SLA: variants seen among roughly 807,000 people sequenced by gnomAD.
The protein encoded by SLA is src-like-adapter.
In SLA, 16 loss-of-function variants were observed where a neutral mutation model predicts 30.3. The observed-to-expected ratio is 0.53, with a 90% CI of 0.36 to 0.80. SLA has a LOEUF of 0.80. Ranked by LOEUF, SLA falls within the 30% of genes least tolerant of loss-of-function variation. The pLI is 0.01. For synonymous variants in SLA, 143 were observed against 137.8 expected (o/e 1.04, Z -0.26); for missense variants, 310 against 345.2 (o/e 0.90, Z 0.81).
At chr8:133,094,334 G>A (rs568708877) in intron 1 of SLA, among the ~76,000 whole-genome samples, 8 of 147,518 alleles carry the variant, frequency 5.4e-5, no homozygotes, top group South Asian at 2.2e-4. Context: ...TCCGCCTCCC[G>A]GGTTCACGCC....
At chr8:133,075,300 G>A (rs901528289) in intron 1 of SLA, among the ~76,000 whole-genome samples, 170 bp from the exon 2 acceptor site, 9 of 152,140 alleles carry the variant, frequency 5.9e-5, no homozygotes, top group South Asian at 2.1e-4. Flanking sequence ...CTGGGCCCAC[G>A]AAGGCTGTGG....
At chr8:133,044,919 G>A (rs1175085274) in intron 7 of SLA, 65 bp downstream of exon 7, 32 of 1,541,034 alleles carry the variant, frequency 2.1e-5, no homozygotes, top group South Asian at 6.7e-5. Flanking sequence ...GACGGATGGC[G>A]CCACAGAGCA....
At chr8:133,059,239 G>A in intron 3 of SLA, 1 of 432,104 alleles carries the variant, frequency 2.3e-6, no homozygotes, top group Non-Finnish European at 4.7e-6. Context: ...CATGTAAGGT[G>A]GGAAGCAGAA....
chr8:133,044,791 A>C (rs1356854051), intron 7 of SLA, among the ~76,000 whole-genome samples, 193 bp downstream of exon 7: 2 of 152,222 alleles, frequency 1.3e-5, no homozygotes, highest in Non-Finnish European at 2.9e-5. Flanking sequence ...GCTGCATTTG[A>C]CTTATTAAGG....
chr8:133,081,589 A>G (rs2702978), intron 1 of SLA, among the ~76,000 whole-genome samples: 1,230 of 85,216 alleles, frequency 0.014, 18 homozygotes, highest in South Asian at 0.056. Context: ...GAAGAAGAAG[A>G]AAAAAAAAGT....
At chr8:133,080,546 C>A (rs1459681369) in intron 1 of SLA, among the ~76,000 whole-genome samples, 2 of 152,144 alleles carry the variant, frequency 1.3e-5, no homozygotes, top group African/African-American at 4.8e-5. Context: ...AAGACTCAGG[C>A]CCTGCTGCTA....
In SLA at chr8:133,071,796, A is replaced by G. The variant is rs541646652; in HGVS notation, c.-41+3057T>C. ...TGGCTCTGTTTCCTTCACGGCACATACCACGATTTGTCCTTATGTATTTGT... is the reference window on the plus strand; with the variant it reads ...TGGCTCTGTTTCCTTCACGGCACATGCCACGATTTGTCCTTATGTATTTGT... On this transcript the variant is annotated intron_variant, in intron 2 of 8. Transcript: ENST00000338087. Among the ~76,000 whole-genome samples, 4 of 152,266 alleles carry G rather than the reference A, an allele frequency of 2.6e-5. No homozygotes were observed. In the East Asian group the frequency reaches 7.7e-4, roughly 29 times the overall value.
intron 1 of SLA, chr8:133,095,208 G>C (rs1461393675): frequency 6.2e-7 from 1 of 1,614,186 alleles, no homozygotes; most frequent in East Asian, 2.2e-5. Context: ...CCCAGACCAA[G>C]GTGAGCACTT....
At chr8:133,098,461 T>G (rs4388441) in intron 1 of SLA, among the ~76,000 whole-genome samples, 31,144 of 152,192 alleles carry the variant, frequency 0.2, 3,565 homozygotes, top group Middle Eastern at 0.27. Context: ...GGGATGGAGC[T>G]GGCCATTGAC....
In SLA at chr8:133,049,922, A is replaced by G. The variant is rs1389704451; in HGVS notation, c.228T>C (p.Cys76=). The G allele has an allele frequency of 1.9e-6, 3 of 1,612,286 alleles. No individual in the cohort carries two copies. In the South Asian group the frequency reaches 3.3e-5, roughly 18 times the overall value. ...TGRESYIPGI[C]VARVYHGWLF... is the part of the protein sequence containing the mutation. ...CTCACCCATGGTAAACTCTGGCCAC[A>G]CATATTCCAGGGATGTAACTCTCTC... The change falls in exon 5 of 9, where the codon TGT becomes TGC. Residue 76 remains cysteine (C), a synonymous_variant. Transcript: ENST00000338087.
At chr8:133,070,582 C>T (rs1392210871) in intron 2 of SLA, among the ~76,000 whole-genome samples, 1 of 152,152 alleles carries the variant, frequency 6.6e-6, no homozygotes, top group African/African-American at 2.4e-5. Flanking sequence ...ATCTGAGTCT[C>T]AGAGAGGTAA....
Position 133,050,272 on chromosome 8 carries a change from G to A in SLA, c.162-284C>T, listed in dbSNP as rs1318061342. On this transcript the variant is annotated intron_variant, in intron 4 of 8. Coordinates refer to ENST00000338087, the MANE Select transcript of SLA (RefSeq NM_001045556.3). ...CAGCTAATGTTCCCAACTGTTGGAGGCTTTTTAAAAATAAATGTTTACTAT... is the reference window on the plus strand; with the variant it reads ...CAGCTAATGTTCCCAACTGTTGGAGACTTTTTAAAAATAAATGTTTACTAT... 7 of 456,426 alleles carry A rather than the reference G, an allele frequency of 1.5e-5. No homozygotes were observed. In the East Asian group the frequency reaches 2.3e-4, roughly 15 times the overall value. 28.3% of individuals were successfully genotyped at this position (456,426 alleles called of 1,614,324 possible).
intron 7 of SLA, among the ~76,000 whole-genome samples, chr8:133,042,680 T>C (rs1262575355): frequency 1.6e-5 from 1 of 62,368 alleles, no homozygotes; most frequent in African/African-American, 6.4e-5. Context: ...TTCTGTGTCT[T>C]TTTTTTTTTT....
At chr8:133,095,351 C>G (rs1848247385) in intron 1 of SLA, 1 of 1,161,948 alleles carries the variant, frequency 8.6e-7, no homozygotes, top group Non-Finnish European at 1.3e-6. Flanking sequence ...CTCACATTCC[C>G]TAGCCCCTAG....
At chr8:133,101,078 G>A (rs1354523894) in intron 1 of SLA, among the ~76,000 whole-genome samples, 1 of 152,120 alleles carries the variant, frequency 6.6e-6, no homozygotes, top group East Asian at 1.9e-4. Context: ...TTGCAGGGCA[G>A]GAGTGGGGAG....
chr8:133,042,636 G>A (rs1587849428), intron 7 of SLA, among the ~76,000 whole-genome samples: 1 of 125,320 alleles, frequency 8.0e-6, no homozygotes, highest in Non-Finnish European at 1.6e-5. Context: ...GTTGCTAGAT[G>A]TCAATTCAAA....
intron 3 of SLA, among the ~76,000 whole-genome samples, chr8:133,055,213 C>T (rs1841153879): frequency 6.6e-6 from 1 of 152,084 alleles, no homozygotes; most frequent in Non-Finnish European, 1.5e-5. Context: ...ATAAGCAGCT[C>T]AGGGCAACTG....
At chr8:133,096,127 A>C in intron 1 of SLA, 1 of 1,545,206 alleles carries the variant, frequency 6.5e-7, no homozygotes, top group Non-Finnish European at 8.9e-7. Flanking sequence ...ATTGGCATTC[A>C]GTATGGTTAA....
At chr8:133,086,359 A>G (rs1564172053) in intron 1 of SLA, among the ~76,000 whole-genome samples, 1 of 152,252 alleles carries the variant, frequency 6.6e-6, no homozygotes, top group African/African-American at 2.4e-5. Flanking sequence ...TGTGAATTAT[A>G]TCACAATAAT....
Sources: allele counts gnomAD v4.1 joint callset (sites outside exome capture counted in the v4.1 genomes callset), GRCh38; gene constraint gnomAD v4.1.1; transcripts MANE v1.5; gene names NCBI Gene and HGNC (gene_info 2026-07-23, HGNC 2026-07-21).